Variants in TIAM2 observed in about 807,000 individuals in gnomAD.
TIAM2 encodes TIAM Rac1 associated GEF 2.
Under a neutral mutation model 152.9 loss-of-function variants are expected in TIAM2, and 80 were observed. The ratio of observed to expected loss-of-function variants is 0.52; its 90% confidence interval spans 0.44 to 0.63. TIAM2 has a LOEUF of 0.63. Ranked by LOEUF, TIAM2 falls within the 30% of genes least tolerant of loss-of-function variation. TIAM2 has a pLI of 0.00. For missense variants in TIAM2, 1,965 were observed against 2,120.1 expected (o/e 0.93, Z 1.44); for synonymous variants, 804 against 838.0 (o/e 0.96, Z 0.70).
chr6:155,143,170 A>C (rs1219962428), intron 5 of TIAM2, among the ~76,000 whole-genome samples: 1 of 152,214 alleles, frequency 6.6e-6, no homozygotes, highest in Non-Finnish European at 1.5e-5. Flanking sequence ...AGGTTGCCAC[A>C]TGAGAAGTGG....
intron 7 of TIAM2, among the ~76,000 whole-genome samples, chr6:155,160,298 A>G (rs1445208155): frequency 1.3e-5 from 2 of 152,220 alleles, no homozygotes; most frequent in African/African-American, 4.8e-5. Context: ...GAAGGCTGTC[A>G]GGCAGGAGGA....
chr6:155,221,252 C>T (rs79100964), intron 15 of TIAM2, among the ~76,000 whole-genome samples: 1,882 of 151,966 alleles, frequency 0.012, 31 homozygotes, highest in Non-Finnish European at 0.014. Context: ...TGAATCACTG[C>T]GCTGGGGTGG....
chr6:155,089,224 GGTGGGGGT>G lies in TIAM2; in HGVS notation c.-208-1057_-208-1050del, dbSNP rs1366767450. Among the ~76,000 whole-genome samples, 10 of 151,208 alleles carry G rather than the reference GGTGGGGGT, an allele frequency of 6.6e-5. No homozygotes were observed. The South Asian group carries it at 1.7e-3, about 26-fold the overall frequency. Reference sequence around the variant, plus strand: ...GAAACCACCTGTTTTTTTTCGGGGGGGTGGGGGTGTGGGGGGATGGAGTCTCTCTGTCA... The same window carrying G: ...GAAACCACCTGTTTTTTTTCGGGGGGGTGGGGGGATGGAGTCTCTCTGTCA... On this transcript the variant is annotated intron_variant, in intron 1 of 26. Transcript: ENST00000682666.
intron 2 of TIAM2, among the ~76,000 whole-genome samples, chr6:155,125,809 G>GC (rs939450407): frequency 1.3e-5 from 2 of 151,904 alleles, no homozygotes; most frequent in African/African-American, 4.8e-5. Flanking sequence ...CTGCACTCCA[G>GC]CCTGGACGAC....
intron 1 of TIAM2, chr6:155,016,505 AC>A: frequency 1.2e-5 from 1 of 86,748 alleles, no homozygotes; most frequent in Non-Finnish European, 2.3e-5. Flanking sequence ...AATGGTATTT[AC>A]ATTTAAATGG....
chr6:155,192,318 AAAAC>A, intron 14 of TIAM2, among the ~76,000 whole-genome samples: 1 of 152,188 alleles, frequency 6.6e-6, no homozygotes, highest in Non-Finnish European at 1.5e-5. Context: ...ACATGAAAAA[AAAAC>A]AACACAGTTC....
intron 9 of TIAM2, among the ~76,000 whole-genome samples, chr6:155,175,554 G>A (rs950164028): frequency 7.2e-5 from 11 of 152,142 alleles, no homozygotes; most frequent in Non-Finnish European, 1.5e-4. Flanking sequence ...TTTTCAATAT[G>A]AATTATATTA....
Position 155,240,572 on chromosome 6 carries a change from A to C in TIAM2, c.3211A>C (p.Ser1071Arg), listed in dbSNP as rs1452833592. The C allele has an allele frequency of 6.2e-7, 1 of 1,614,032 alleles. No individual in the cohort carries two copies. Among genetic ancestry groups the C allele is most frequent in the East Asian group, 2.2e-5 (1 of 44,900 alleles). Residue 1071 changes from serine (S) to arginine (R), a missense_variant, in exon 16 of 27, where the codon AGT (serine) becomes CGT (arginine). By Grantham distance (110) the Ser-to-Arg change is moderately radical. This residue lies in a region of TIAM2 where 935 missense variants were observed against 980.0 expected (regional missense o/e 0.95). Coordinates refer to ENST00000682666, the MANE Select transcript of TIAM2 (RefSeq NM_012454.4). ...TGCACTGTGCAGGAGTTTTAACGAC[A>C]GTCAGGCCAACGGCATGGAAGGACC... Reference protein sequence around the residue: ...ITALCRSFNDSQANGMEGPRE... With the variant: ...ITALCRSFNDRQANGMEGPRE...
At chr6:155,131,345 TTAAA>T (rs1779440817) in intron 4 of TIAM2, among the ~76,000 whole-genome samples, 1 of 149,176 alleles carries the variant, frequency 6.7e-6, no homozygotes, top group Non-Finnish European at 1.5e-5. Flanking sequence ...GACTCTGTCT[TTAAA>T]AAAAAAAAAA....
chr6:155,062,954 A>G (rs1385515959), intron 1 of TIAM2, among the ~76,000 whole-genome samples: 1 of 152,148 alleles, frequency 6.6e-6, no homozygotes, highest in East Asian at 1.9e-4. Context: ...TGCCAACAGT[A>G]TGTCTTCTCT....
intron 14 of TIAM2, among the ~76,000 whole-genome samples, chr6:155,187,555 C>A (rs1383791855): frequency 7.5e-6 from 1 of 133,978 alleles, no homozygotes; most frequent in East Asian, 2.1e-4. Context: ...TGCAACCCCC[C>A]CTCCCCCACC....
At chr6:155,111,307 ACACACACACAC>A (rs1778842330) in intron 2 of TIAM2, among the ~76,000 whole-genome samples, 1 of 80,524 alleles carries the variant, frequency 1.2e-5, no homozygotes, top group Non-Finnish European at 2.5e-5. Context: ...ATACACACAC[ACACACACACAC>A]ACACACACAC....
In TIAM2 at chr6:155,213,740, A is replaced by C. The variant is rs1781780852; in HGVS notation, c.3168+2433A>C. On this transcript the variant is annotated intron_variant, in intron 15 of 26. Transcript: ENST00000682666. This position sits in a 1 kb window ranked among gnomAD's most constrained non-coding sequence, Gnocchi z 4.2. ...AAAGGGTGCCTGCAGGCCAGGGCCG[A>C]GCTGCCCTCAGTCCCCTCCTTGGCC... is the stretch of plus-strand genomic sequence containing the variant. Among the ~76,000 whole-genome samples, 1 of 152,178 alleles carries C rather than the reference A, an allele frequency of 6.6e-6. No individual in the cohort carries two copies. The highest frequency in any genetic ancestry group is 1.5e-5 in the Non-Finnish European group (1 of 68,016).
chr6:155,222,327 G>A (rs1782075680), intron 15 of TIAM2, among the ~76,000 whole-genome samples: 1 of 542 alleles, frequency 1.8e-3, no homozygotes, highest in Admixed American at 0.02. Context: ...GGGTTGGGTG[G>A]GCGTGGCTCA....
chr6:155,251,252 C>A (rs1309898666), intron 22 of TIAM2, among the ~76,000 whole-genome samples: 1 of 152,208 alleles, frequency 6.6e-6, no homozygotes, highest in Non-Finnish European at 1.5e-5. Flanking sequence ...GTTACAGGAA[C>A]AGATCCCTGC....
intron 12 of TIAM2, among the ~76,000 whole-genome samples, chr6:155,180,083 C>G (rs1039696591): frequency 3.3e-5 from 5 of 152,168 alleles, no homozygotes; most frequent in African/African-American, 1.2e-4. Flanking sequence ...AGTTCGAGAC[C>G]AGCCTGACCA....
At chr6:155,016,936 A>G (rs1778600325) in intron 1 of TIAM2, among the ~76,000 whole-genome samples, 1 of 152,198 alleles carries the variant, frequency 6.6e-6, no homozygotes, top group South Asian at 2.1e-4. Flanking sequence ...AATAAATAAA[A>G]TAACTTGGGA....
intron 15 of TIAM2, among the ~76,000 whole-genome samples, chr6:155,223,217 T>C (rs979305998): frequency 6.6e-6 from 1 of 152,230 alleles, no homozygotes; most frequent in Non-Finnish European, 1.5e-5. Context: ...TTGTGATCCT[T>C]ACTTTGAGTA....
At chr6:155,141,394 TAC>T (rs67844080) in intron 5 of TIAM2, among the ~76,000 whole-genome samples, 28,009 of 149,938 alleles carry the variant, frequency 0.19, 3,181 homozygotes, top group Admixed American at 0.34. Context: ...CATATATGTG[TAC>T]ACACACACAC....
Sources: allele counts gnomAD v4.1 joint callset (sites outside exome capture counted in the v4.1 genomes callset), GRCh38; gene constraint gnomAD v4.1.1; regional missense constraint gnomAD v4.1.1; non-coding constraint Gnocchi (gnomAD v3.1); transcripts MANE v1.5; gene names NCBI Gene and HGNC (gene_info 2026-07-23, HGNC 2026-07-21).